TFPI: variants seen among roughly 807,000 people sequenced by gnomAD.
The protein encoded by TFPI is tissue factor pathway inhibitor.
In TFPI, 15 loss-of-function variants were observed where a neutral mutation model predicts 34.6. That is an observed-to-expected ratio of 0.43 (90% CI 0.29 to 0.67). TFPI has a LOEUF of 0.67. TFPI is among the 30% of genes least tolerant of loss of function. TFPI has a pLI of 0.15. For synonymous variants in TFPI, 105 were observed against 120.1 expected, an observed-to-expected ratio of 0.87 and a Z score of 0.82; for missense variants, 301 against 364.0, an observed-to-expected ratio of 0.83 and a Z score of 1.41.
intron 1 of TFPI, among the ~76,000 whole-genome samples, chr2:187,532,558 C>T (rs565005102): frequency 4.6e-5 from 7 of 152,344 alleles, no homozygotes; most frequent in South Asian, 2.1e-4. Flanking sequence ...CCAGATACAA[C>T]GCTTTCCCCA....
intron 1 of TFPI, among the ~76,000 whole-genome samples, chr2:187,537,082 G>A (rs548760935): frequency 6.6e-6 from 1 of 152,232 alleles, no homozygotes; most frequent in South Asian, 2.1e-4. Context: ...AAGGAAATAA[G>A]AGAGGACACA....
At chr2:187,535,455 G>T (rs1009125434) in intron 1 of TFPI, among the ~76,000 whole-genome samples, 5 of 152,154 alleles carry the variant, frequency 3.3e-5, no homozygotes, top group African/African-American at 1.2e-4. Flanking sequence ...CAACTACATG[G>T]AAACTGATCA....
chr2:187,466,881 G>A lies in TFPI; in HGVS notation c.*55C>T. 9.9e-7 allele frequency: 1 copy of A among 1,007,730 alleles called. No homozygotes were observed. Among genetic ancestry groups the A allele is most frequent in the Non-Finnish European group, 1.4e-6 (1 of 694,876 alleles). The allele number at this position is 1,007,730 out of a possible 1,614,324, so 62.4% of individuals were successfully genotyped here. ...TAGAAGAAAAATAGAAAATCATAGTGAAACATTTCATATAAAATATTTAGT... is the reference window on the plus strand; with the variant it reads ...TAGAAGAAAAATAGAAAATCATAGTAAAACATTTCATATAAAATATTTAGT... On this transcript the variant is annotated 3_prime_UTR_variant, in exon 8 of 8. Transcript: ENST00000233156.
intron 6 of TFPI, among the ~76,000 whole-genome samples, chr2:187,470,526 A>G (rs562955083): frequency 8.1e-4 from 123 of 152,332 alleles, no homozygotes; most frequent in Non-Finnish European, 1.6e-3. Context: ...TCCTAGAACC[A>G]TTTGGGCCTT....
chr2:187,531,214 T>G (rs920212368), intron 1 of TFPI, among the ~76,000 whole-genome samples: 2 of 152,194 alleles, frequency 1.3e-5, no homozygotes, highest in Admixed American at 6.5e-5. Flanking sequence ...GGGCCAGTAC[T>G]AGAGAGGCTG....
chr2:187,498,907 A>G (rs183194709), intron 2 of TFPI, among the ~76,000 whole-genome samples: 34 of 152,132 alleles, frequency 2.2e-4, no homozygotes, highest in Admixed American at 2.2e-3. Context: ...GTTGAGTTTT[A>G]TGCACATATG....
intron 2 of TFPI, among the ~76,000 whole-genome samples, chr2:187,499,153 C>T (rs190282086): frequency 1.2e-3 from 180 of 151,068 alleles, no homozygotes; most frequent in African/African-American, 4.2e-3. Context: ...TCTAACATTT[C>T]ATGTTGATGA....
chr2:187,510,240 C>T (rs947393171), intron 1 of TFPI, among the ~76,000 whole-genome samples: 1 of 152,232 alleles, frequency 6.6e-6, no homozygotes, highest in East Asian at 1.9e-4. Flanking sequence ...CTATAACTTA[C>T]ATCTGTTCTG....
At chr2:187,480,862 A>G (rs1692800793) in intron 6 of TFPI, among the ~76,000 whole-genome samples, 1 of 152,140 alleles carries the variant, frequency 6.6e-6, no homozygotes, top group Non-Finnish European at 1.5e-5. Flanking sequence ...AATAAAAAGA[A>G]AAATTACACC....
intron 1 of TFPI, among the ~76,000 whole-genome samples, chr2:187,522,577 A>G (rs1415459524): frequency 1.3e-5 from 2 of 151,914 alleles, no homozygotes; most frequent in Admixed American, 6.6e-5. Flanking sequence ...CACAAAACAA[A>G]CAGAAAACGA....
chr2:187,540,606 C>A (rs546788439), intron 1 of TFPI, among the ~76,000 whole-genome samples: 10 of 151,888 alleles, frequency 6.6e-5, no homozygotes, highest in Non-Finnish European at 1.2e-4. Flanking sequence ...AAATAATAAA[C>A]CAGCCAGGAG....
chr2:187,534,814 A>G (rs1688153106), intron 1 of TFPI, among the ~76,000 whole-genome samples: 1 of 152,130 alleles, frequency 6.6e-6, no homozygotes, highest in Non-Finnish European at 1.5e-5. Context: ...TGCTGTATTC[A>G]GGAGTCCCAT....
chr2:187,482,903 ATAT>A (rs1692981074), intron 6 of TFPI, among the ~76,000 whole-genome samples: 2 of 152,000 alleles, frequency 1.3e-5, no homozygotes, highest in Admixed American at 6.6e-5. Context: ...TTAAAAGCAC[ATAT>A]TATGCTCCCT....
intron 2 of TFPI, among the ~76,000 whole-genome samples, chr2:187,497,857 A>G (rs920733174): frequency 1.3e-5 from 2 of 151,952 alleles, no homozygotes; most frequent in Non-Finnish European, 2.9e-5. Flanking sequence ...AATGTTAAGT[A>G]AAGTCTATTT....
intron 2 of TFPI, among the ~76,000 whole-genome samples, chr2:187,498,507 A>G (rs1486245460): frequency 6.6e-6 from 1 of 151,852 alleles, no homozygotes; most frequent in Non-Finnish European, 1.5e-5. Context: ...TAGCCTTTAC[A>G]ATCTTGGAAG....
chr2:187,502,269 A>G (rs1351604459), intron 2 of TFPI, among the ~76,000 whole-genome samples: 1 of 152,164 alleles, frequency 6.6e-6, no homozygotes, highest in East Asian at 1.9e-4. Flanking sequence ...CAGCAGCCAC[A>G]ATTTCAGGAA....
chr2:187,553,237 T>C (rs1196929509), intron 1 of TFPI, among the ~76,000 whole-genome samples: 2 of 152,078 alleles, frequency 1.3e-5, no homozygotes, highest in East Asian at 3.9e-4. Flanking sequence ...ACACATGAAA[T>C]ATGACTCTCT....
At chr2:187,485,532 G>T (rs1262163924) in intron 4 of TFPI, among the ~76,000 whole-genome samples, 3 of 151,632 alleles carry the variant, frequency 2.0e-5, no homozygotes, top group Non-Finnish European at 4.4e-5. Context: ...ATCTGTACTA[G>T]GTAGGACATC....
chr2:187,516,060 C>T (rs1022135949), intron 1 of TFPI: 3 of 152,116 alleles, frequency 2.0e-5, no homozygotes, highest in Non-Finnish European at 2.9e-5. Context: ...TATGCTCAAC[C>T]GAATCATACA....
Sources: gnomAD v4.1 joint callset for allele counts (sites outside exome capture counted in the v4.1 genomes callset) on GRCh38, gnomAD v4.1.1 for gene constraint, MANE v1.5 for transcripts, NCBI Gene and HGNC (gene_info 2026-07-23, HGNC 2026-07-21) for gene names.